Variants in CPXM2 observed in about 807,000 individuals in gnomAD.
CPXM2 encodes inactive carboxypeptidase-like protein X2.
A neutral mutation model predicts 86.1 loss-of-function variants in CPXM2; 66 were observed. That is an observed-to-expected ratio of 0.77 (90% CI 0.63 to 0.94). The LOEUF (loss-of-function observed/expected upper bound fraction) is 0.94. CPXM2 is among the 40% of genes least tolerant of loss of function. CPXM2 has a pLI of 0.00. For synonymous variants in CPXM2, 388 were observed against 400.2 expected (o/e 0.97, Z 0.36); for missense variants, 948 against 1,026.3 (o/e 0.92, Z 1.04).
At chr10:123,821,552 T>C (rs74162944) in intron 4 of CPXM2, among the ~76,000 whole-genome samples, 2,147 of 152,324 alleles carry the variant, frequency 0.014, 38 homozygotes, top group African/African-American at 0.049. Context: ...CACAGCACCG[T>C]GGAATGTCAA....
In CPXM2 at chr10:123,754,848, AT is replaced by A; in HGVS notation, c.1918-87del. On this transcript the variant is annotated intron_variant, in intron 12 of 13. Transcript: ENST00000241305. This position sits in a 1 kb window ranked among gnomAD's most constrained non-coding sequence, Gnocchi z 4.0. ...CAACAGAGTGGGCTGTCAACCCACC[AT>A]TGGCCGGTTCCCACCAAGAACTCAC... The A allele has an allele frequency of 2.6e-6, 2 of 772,668 alleles. No homozygotes were observed. Among genetic ancestry groups the A allele is most frequent in the African/African-American group, 1.7e-5 (1 of 58,746 alleles). 47.9% of individuals were successfully genotyped at this position (772,668 alleles called of 1,614,324 possible). A position where few individuals can be genotyped will look rare whatever the true frequency, so the allele number is the denominator to read the frequency against.
At chr10:123,787,718 G>A (rs1473556756) in intron 6 of CPXM2, among the ~76,000 whole-genome samples, 1 of 152,028 alleles carries the variant, frequency 6.6e-6, no homozygotes, top group Non-Finnish European at 1.5e-5. Flanking sequence ...ATGAGTAGGT[G>A]CTTGGCTGGG....
intron 2 of CPXM2, among the ~76,000 whole-genome samples, chr10:123,932,194 G>C (rs926657220): frequency 2.6e-5 from 4 of 152,188 alleles, no homozygotes; most frequent in African/African-American, 9.6e-5. Flanking sequence ...ATGTAATGCA[G>C]GGTCAGTAGG....
intron 2 of CPXM2, among the ~76,000 whole-genome samples, chr10:123,924,780 G>A (rs1423499531): frequency 6.6e-6 from 1 of 152,026 alleles, no homozygotes. Flanking sequence ...GCTATTCGGG[G>A]GCCCAACAAG....
chr10:123,795,444 A>G (rs1161624197), intron 6 of CPXM2, among the ~76,000 whole-genome samples: 3 of 152,202 alleles, frequency 2.0e-5, no homozygotes, highest in Non-Finnish European at 4.4e-5. Context: ...ACGCAGAAGC[A>G]AAGGTAAATG....
chr10:123,813,652 A>T (rs777504494), intron 4 of CPXM2, among the ~76,000 whole-genome samples: 1 of 152,242 alleles, frequency 6.6e-6, no homozygotes, highest in Non-Finnish European at 1.5e-5. Flanking sequence ...AATTTAAGAA[A>T]TTGAACATTG....
At chr10:123,789,749 C>T (rs1847162299) in intron 6 of CPXM2, among the ~76,000 whole-genome samples, 1 of 152,102 alleles carries the variant, frequency 6.6e-6, no homozygotes, top group South Asian at 2.1e-4. Flanking sequence ...TGCAGTAGCC[C>T]CTACTGCTGC....
chr10:123,842,505 C>A lies in CPXM2; in HGVS notation c.514-17G>T, dbSNP rs10794571. On this transcript the variant is annotated splice_polypyrimidine_tract_variant and intron_variant, in intron 3 of 13. Coordinates refer to ENST00000241305, the MANE Select transcript of CPXM2 (RefSeq NM_198148.3). ...AATGCCCGCCTAGAAAGAAAGAAAG[C>A]GGTGTTCTTCAAAAAGACTCTTAAT... The A allele has an allele frequency of 2.0e-5, 32 of 1,611,696 alleles. No individual in the cohort carries two copies. The highest frequency in any genetic ancestry group is 5.0e-5 in the Admixed American group (3 of 59,860).
chr10:123,798,618 AAAG>A (rs1847385185), intron 5 of CPXM2, among the ~76,000 whole-genome samples: 2 of 152,284 alleles, frequency 1.3e-5, no homozygotes, highest in African/African-American at 4.8e-5. Context: ...TAAGAATGAG[AAAG>A]AAGGTTGAAA....
intron 7 of CPXM2, among the ~76,000 whole-genome samples, chr10:123,774,835 C>T (rs1000633703): frequency 6.6e-6 from 1 of 152,222 alleles, no homozygotes; most frequent in Non-Finnish European, 1.5e-5. Flanking sequence ...CAGCCATCAC[C>T]ATGAAGACAG....
chr10:123,875,476 C>T (rs1484522554), intron 2 of CPXM2, among the ~76,000 whole-genome samples: 1 of 152,152 alleles, frequency 6.6e-6, no homozygotes, highest in Non-Finnish European at 1.5e-5. Flanking sequence ...AATCAGGGGT[C>T]TGGGAATAGC....
intron 3 of CPXM2, among the ~76,000 whole-genome samples, chr10:123,853,676 G>A (rs141007178): frequency 0.011 from 1,621 of 152,302 alleles, 15 homozygotes; most frequent in Non-Finnish European, 0.015. Flanking sequence ...AGGCCAAGGC[G>A]GGCAGACCAC....
chr10:123,791,325 G>A (rs1847201895), intron 6 of CPXM2, among the ~76,000 whole-genome samples: 1 of 152,196 alleles, frequency 6.6e-6, no homozygotes, highest in Admixed American at 6.5e-5. Flanking sequence ...GCTGAGGCAG[G>A]AGAATCGCTT....
At chr10:123,906,751 A>G (rs1014939671) in intron 2 of CPXM2, among the ~76,000 whole-genome samples, 3 of 152,190 alleles carry the variant, frequency 2.0e-5, no homozygotes, top group African/African-American at 7.2e-5. Flanking sequence ...AACTTCTCAC[A>G]TGGCCTCAGG....
intron 4 of CPXM2, among the ~76,000 whole-genome samples, chr10:123,835,153 G>C (rs1284372909): frequency 6.6e-6 from 1 of 152,192 alleles, no homozygotes; most frequent in Non-Finnish European, 1.5e-5. Flanking sequence ...GAGCTAATCA[G>C]GGAAGGAGGC....
intron 8 of CPXM2, among the ~76,000 whole-genome samples, chr10:123,770,119 C>G (rs1846592407): frequency 6.6e-6 from 1 of 152,120 alleles, no homozygotes; most frequent in African/African-American, 2.4e-5. Flanking sequence ...ACTAAAAATA[C>G]AAAAATTAGC....
At chr10:123,888,085 A>G (rs1310394692) in intron 1 of CPXM2, among the ~76,000 whole-genome samples, 1 of 152,136 alleles carries the variant, frequency 6.6e-6, no homozygotes, top group African/African-American at 2.4e-5. Context: ...AAGAACAGCC[A>G]ATGGTCAAAG....
At chr10:123,802,185 T>C (rs1847473292) in intron 4 of CPXM2, among the ~76,000 whole-genome samples, 1 of 152,184 alleles carries the variant, frequency 6.6e-6, no homozygotes, top group Non-Finnish European at 1.5e-5. Context: ...TGCCAGGCAG[T>C]AGGGAGCTAC....
At chr10:123,856,153 T>C (rs528176095) in intron 3 of CPXM2, among the ~76,000 whole-genome samples, 28 of 152,358 alleles carry the variant, frequency 1.8e-4, no homozygotes, top group African/African-American at 6.3e-4. Flanking sequence ...TTATAAGGGA[T>C]GTAAGTCGGT....
Sources: allele counts gnomAD v4.1 joint callset (sites outside exome capture counted in the v4.1 genomes callset), GRCh38; gene constraint gnomAD v4.1.1; non-coding constraint Gnocchi (gnomAD v3.1); transcripts MANE v1.5; gene names NCBI Gene and HGNC (gene_info 2026-07-23, HGNC 2026-07-21).